PRELID2: variants seen among roughly 807,000 people sequenced by gnomAD.
The protein encoded by PRELID2 is PRELI domain-containing protein 2.
In PRELID2, 25 loss-of-function variants were observed where a neutral mutation model predicts 28.4. The observed-to-expected ratio is 0.88, with a 90% CI of 0.64 to 1.23. PRELID2 has a LOEUF of 1.23. Among genes scored for constraint, PRELID2 ranks in the 50% most tolerant of loss-of-function variants. The probability of loss-of-function intolerance (pLI) is 0.00; values close to 1 mark genes in which losing one functional copy is unlikely to be tolerated. For missense variants in PRELID2, 201 were observed against 214.4 expected (o/e 0.94, Z 0.39); for synonymous variants, 76 against 71.6 (o/e 1.06, Z -0.31).
the PRELID2 span, among the ~76,000 whole-genome samples, chr5:145,430,335 C>T: frequency 1.3e-5 from 2 of 152,142 alleles, no homozygotes; most frequent in African/African-American, 4.8e-5. Context: ...ATTTCTTTGG[C>T]TTTGTATAAA....
At chr5:145,687,195 C>T (rs1043888522) in intron 1 of PRELID2, among the ~76,000 whole-genome samples, 1 of 152,174 alleles carries the variant, frequency 6.6e-6, no homozygotes, top group East Asian at 1.9e-4. Context: ...TGGGACTCTT[C>T]TTCTGGGGAT....
intron 1 of PRELID2, among the ~76,000 whole-genome samples, chr5:145,697,598 T>C (rs62392312): frequency 0.072 from 10,937 of 152,266 alleles, 607 homozygotes; most frequent in Admixed American, 0.19. Context: ...CTCTATGGCC[T>C]GCAAAGCCTA....
chr5:145,497,676 G>A (rs1464221885), intron 1 of PRELID2, among the ~76,000 whole-genome samples: 1 of 152,134 alleles, frequency 6.6e-6, no homozygotes, highest in Non-Finnish European at 1.5e-5. Context: ...GCTCACTCAA[G>A]TAGTTTCGGA....
At chr5:145,634,626 G>A (rs1753976341) in intron 1 of PRELID2, among the ~76,000 whole-genome samples, 1 of 152,038 alleles carries the variant, frequency 6.6e-6, no homozygotes. Flanking sequence ...GATGGGCTAG[G>A]ACATCTAACA....
intron 5 of PRELID2, among the ~76,000 whole-genome samples, chr5:145,788,591 A>G (rs1338505599): frequency 6.6e-6 from 1 of 152,190 alleles, no homozygotes; most frequent in African/African-American, 2.4e-5. Context: ...GCACACAGAT[A>G]GACAACTATC....
At chr5:145,676,235 A>T (rs537817924) in intron 1 of PRELID2, among the ~76,000 whole-genome samples, 231 of 141,218 alleles carry the variant, frequency 1.6e-3, no homozygotes, top group African/African-American at 5.5e-3. Context: ...AAAAAAAAAA[A>T]AAAAAAATAA....
the PRELID2 span, among the ~76,000 whole-genome samples, chr5:145,421,682 C>A: frequency 7.0e-6 from 1 of 143,470 alleles, no homozygotes; most frequent in Non-Finnish European, 1.5e-5. Flanking sequence ...TTCAAAAAAC[C>A]AGCTCCTGGA....
At position 145,722,761 on chromosome 5, in the gene PRELID2, A is replaced by G. The variant is rs376696553; in HGVS notation, n.70+42170T>C. ...CTGATCCGCCCACCTCGGCCTCCCA[A>G]AGTGCTGGGATTACAGGTGTGAGCC... On this transcript the variant is annotated intron_variant and non_coding_transcript_variant, in intron 1 of 2. Transcript: ENST00000510259. Among the ~76,000 whole-genome samples the G allele has an allele frequency of 3.1e-3, 479 of 152,260 alleles. 1 individual carries two copies. The highest frequency in any genetic ancestry group is 0.011 in the African/African-American group (442 of 41,568).
chr5:145,799,165 T>C (rs1752963075), intron 4 of PRELID2, among the ~76,000 whole-genome samples: 1 of 150,402 alleles, frequency 6.6e-6, no homozygotes, highest in South Asian at 2.1e-4. Flanking sequence ...TTTCAGTAGA[T>C]TACTTGGCAG....
intron 1 of PRELID2, among the ~76,000 whole-genome samples, chr5:145,741,112 TATAA>T (rs1232003766): frequency 1.7e-5 from 2 of 117,246 alleles, no homozygotes; most frequent in African/African-American, 6.9e-5. Context: ...ATGCTTTACA[TATAA>T]ATATATAATA....
At chr5:145,362,985 C>A in the PRELID2 span, among the ~76,000 whole-genome samples, 1 of 151,830 alleles carries the variant, frequency 6.6e-6, no homozygotes, top group African/African-American at 2.4e-5. Context: ...AATCTTTAGA[C>A]CTTACACTTG....
intron 1 of PRELID2, among the ~76,000 whole-genome samples, chr5:145,476,180 C>T (rs1378842124): frequency 6.6e-6 from 1 of 152,178 alleles, no homozygotes; most frequent in Non-Finnish European, 1.5e-5. Context: ...CCAAGTGATT[C>T]TGATGCACTG....
the PRELID2 span, among the ~76,000 whole-genome samples, chr5:145,407,662 C>A: frequency 6.6e-6 from 1 of 152,190 alleles, no homozygotes; most frequent in Non-Finnish European, 1.5e-5. Context: ...CTGCTGCTCT[C>A]TTGAAAGAGT....
chr5:145,354,278 T>C, the PRELID2 span, among the ~76,000 whole-genome samples: 1 of 152,154 alleles, frequency 6.6e-6, no homozygotes, highest in African/African-American at 2.4e-5. Context: ...TAGCCCACTG[T>C]GTTTCTCATA....
At chr5:145,424,933 A>G in the PRELID2 span, among the ~76,000 whole-genome samples, 1 of 152,220 alleles carries the variant, frequency 6.6e-6, no homozygotes, top group Non-Finnish European at 1.5e-5. Context: ...ACCTAATTAA[A>G]CTAAAGACCT....
chr5:145,788,879 C>T (rs953373355), intron 5 of PRELID2, among the ~76,000 whole-genome samples: 2 of 151,810 alleles, frequency 1.3e-5, no homozygotes, highest in East Asian at 3.9e-4. Context: ...ACAGACTATC[C>T]GAAAAAATTA....
intron 1 of PRELID2, among the ~76,000 whole-genome samples, chr5:145,557,650 T>C (rs376412760): frequency 6.6e-6 from 1 of 152,228 alleles, no homozygotes; most frequent in African/African-American, 2.4e-5. Context: ...GATCTTAATC[T>C]ATACTTAGTA....
chr5:145,337,671 T>G, the PRELID2 span, among the ~76,000 whole-genome samples: 1 of 129,474 alleles, frequency 7.7e-6, no homozygotes, highest in African/African-American at 2.9e-5. Context: ...CCACAGGAAA[T>G]AGATGCATAG....
the PRELID2 span, among the ~76,000 whole-genome samples, chr5:145,422,900 T>C: frequency 6.6e-6 from 1 of 152,124 alleles, no homozygotes; most frequent in African/African-American, 2.4e-5. Context: ...TGTTTAGTGC[T>C]TCCTTCAAGA....
Sources: allele counts gnomAD v4.1 joint callset (sites outside exome capture counted in the v4.1 genomes callset), GRCh38; gene constraint gnomAD v4.1.1; transcripts MANE v1.5; gene names NCBI Gene and HGNC (gene_info 2026-07-23, HGNC 2026-07-21).